Variants in AASS observed in about 807,000 individuals in gnomAD.
AASS encodes alpha-aminoadipic semialdehyde synthase, mitochondrial.
Under a neutral mutation model 105.4 loss-of-function variants are expected in AASS, and 86 were observed. The ratio of observed to expected loss-of-function variants is 0.82; its 90% CI spans 0.69 to 0.98. AASS has a LOEUF of 0.98. Ranked by LOEUF, AASS falls within the 50% of genes least tolerant of loss-of-function variation. The pLI is 0.00. For missense variants in AASS, 1,048 were observed against 1,143.2 expected (o/e 0.92, Z 1.20); for synonymous variants, 381 against 394.8 (o/e 0.96, Z 0.41).
intron 23 of AASS, among the ~76,000 whole-genome samples, 161 bp from the exon 24 acceptor site, chr7:122,076,768 T>C (rs557358505): frequency 2.0e-5 from 3 of 152,330 alleles, no homozygotes; most frequent in Non-Finnish European, 4.4e-5. Context: ...AGTAAATTAT[T>C]ACTTATTCAA....
chr7:122,143,775 C>T (rs1254568708), intron 1 of AASS, among the ~76,000 whole-genome samples: 1 of 152,136 alleles, frequency 6.6e-6, no homozygotes, highest in Non-Finnish European at 1.5e-5. Context: ...GCCGTTGTTT[C>T]CTCAGCTTCA....
Position 122,133,573 on chromosome 7 carries a change from T to C in AASS, c.154A>G (p.Asn52Asp), listed in dbSNP as rs764147148. 1 of 1,614,216 alleles carries C rather than the reference T, an allele frequency of 6.2e-7. No homozygotes were observed. Among genetic ancestry groups the C allele is most frequent in the South Asian group, 1.1e-5 (1 of 91,084 alleles). The change falls in exon 2 of 24, where the codon AAT becomes GAT. Residue 52 changes from asparagine to aspartate, a missense_variant. Coordinates refer to ENST00000417368, the MANE Select transcript of AASS (RefSeq NM_005763.4). ...LAPKHIKGITNLGYKVLIQPS... is the reference protein window; with the variant it reads ...LAPKHIKGITDLGYKVLIQPS... ...TGTATCAAGACCTTGTATCCCAGAT[T>C]GGTGATGCCTTTGATGTGCTTGGGA...
Position 122,118,194 on chromosome 7 carries a change from C to T in AASS, c.687+113G>A, listed in dbSNP as rs1406281445. 1.2e-5 allele frequency: 15 copies of T among 1,227,734 alleles called. 1 individual carries two copies. Among genetic ancestry groups the T allele is most frequent in the African/African-American group, 3.0e-5 (2 of 66,474 alleles). 76.1% of individuals were successfully genotyped at this position (1,227,734 alleles called of 1,614,324 possible). A position where few individuals can be genotyped will look rare whatever the true frequency, so the allele number is the denominator to read the frequency against. ...AAAAATACATTGGTAAGAAAAGTGC[C>T]TAAAATAGAATCTCCAGTCCATTTG... On this transcript the variant is annotated intron_variant, in intron 6 of 23. Coordinates refer to ENST00000417368, the MANE Select transcript of AASS (RefSeq NM_005763.4).
At chr7:122,120,585 C>A (rs950205067) in intron 4 of AASS, among the ~76,000 whole-genome samples, 3 of 151,492 alleles carry the variant, frequency 2.0e-5, no homozygotes, top group African/African-American at 7.3e-5. Context: ...TTATTTATTT[C>A]TTTCTACTTG....
chr7:122,091,879 C>A, intron 17 of AASS, 36 bp from the exon 18 acceptor site: 2 of 1,439,966 alleles, frequency 1.4e-6, no homozygotes, highest in South Asian at 2.3e-5. Flanking sequence ...AGGAAGAATT[C>A]ACAACTTAGA....
chr7:122,083,421 T>C (rs913561487), intron 19 of AASS, among the ~76,000 whole-genome samples: 48 of 152,096 alleles, frequency 3.2e-4, no homozygotes, highest in African/African-American at 1.0e-3. Context: ...AATGAATTTA[T>C]TTTATGTATT....
intron 8 of AASS, 102 bp from the exon 9 acceptor site, chr7:122,115,324 G>A: frequency 1.4e-6 from 2 of 1,421,252 alleles, no homozygotes; most frequent in Non-Finnish European, 2.0e-6. Flanking sequence ...ATAATTAAAT[G>A]TAACTTCTAA....
intron 11 of AASS, among the ~76,000 whole-genome samples, chr7:122,102,934 C>A (rs373191244): frequency 2.0e-5 from 3 of 151,354 alleles, no homozygotes; most frequent in East Asian, 3.9e-4. Context: ...TAAATAGAAC[C>A]AAGAAGTGTA....
In AASS at chr7:122,116,688, T is replaced by TA; in HGVS notation, c.838_839insT (p.Asp280ValfsTer6). 1.2e-6 allele frequency: 2 copies of TA among 1,614,130 alleles called. No individual in the cohort carries two copies. The highest frequency in any genetic ancestry group is 1.7e-6 in the Non-Finnish European group (2 of 1,180,000). Reference sequence around the variant, plus strand: ...CGGATGTTTGTCATACTCTGCAGGATCATACACAGCATCTGTTTTCCTGAC... The same window carrying TA: ...CGGATGTTTGTCATACTCTGCAGGATACATACACAGCATCTGTTTTCCTGAC... On this transcript the variant is annotated frameshift_variant, in exon 8 of 24. Coordinates refer to ENST00000417368, the MANE Select transcript of AASS (RefSeq NM_005763.4). LOFTEE classifies it high-confidence loss of function.
At chr7:122,078,817 T>A (rs1440478560) in intron 22 of AASS, 45 bp downstream of exon 22, 3 of 1,554,972 alleles carry the variant, frequency 1.9e-6, no homozygotes, top group Admixed American at 3.3e-5. Context: ...GACTCTATCT[T>A]ATGATTCTTC....
In AASS at chr7:122,101,428, G is replaced by A; in HGVS notation, c.1349C>T (p.Thr450Ile). Residue 450 changes from threonine (T) to isoleucine (I), a missense_variant, in exon 13 of 24, where the codon ACA (threonine) becomes ATA (isoleucine). Coordinates refer to ENST00000417368, the MANE Select transcript of AASS (RefSeq NM_005763.4). Reference sequence around the variant, plus strand: ...TTTATCAGGTAATGTACCGTTGGATGTAATCACTGCCTAAATGTATATGAC... The same window carrying A: ...TTTATCAGGTAATGTACCGTTGGATATAATCACTGCCTAAATGTATATGAC... ...FSPVVRDAVITSNGTLPDKYK... is the reference protein window; with the variant it reads ...FSPVVRDAVIISNGTLPDKYK... 1 of 1,609,784 alleles carries A rather than the reference G, an allele frequency of 6.2e-7. No homozygotes were observed. Among genetic ancestry groups the A allele is most frequent in the Non-Finnish European group, 8.5e-7 (1 of 1,176,664 alleles).
rs1253189146 is a variant in AASS, at chr7:122,093,132, A to G, written c.1682T>C (p.Leu561Pro). The G allele has an allele frequency of 1.2e-6, 2 of 1,613,786 alleles. No individual in the cohort carries two copies. The highest frequency in any genetic ancestry group is 1.7e-6 in the Non-Finnish European group (2 of 1,179,862). ...ISLLPYVLHP[L>P]VAKACITNKV... ...GTTTGTGATGCAGGCCTTGGCCACA[A>G]GAGGGTGCAATACATAAGGCAACAA... Residue 561 changes from leucine (L) to proline (P), a missense_variant, in exon 16 of 24, where the codon CTT (leucine) becomes CCT (proline). By Grantham distance (98) the Leu-to-Pro change is moderately conservative. Transcript: ENST00000417368.
chr7:122,127,370 T>C (rs974213877), intron 3 of AASS, among the ~76,000 whole-genome samples: 1 of 152,204 alleles, frequency 6.6e-6, no homozygotes, highest in Non-Finnish European at 1.5e-5. Context: ...TAATTTTTAT[T>C]ATGTTCATGA....
intron 13 of AASS, among the ~76,000 whole-genome samples, chr7:122,099,526 C>G (rs929840430): frequency 6.6e-6 from 1 of 151,820 alleles, no homozygotes; most frequent in African/African-American, 2.4e-5. Context: ...CTGTCTTTCC[C>G]ACAAACTATG....
intron 11 of AASS, among the ~76,000 whole-genome samples, chr7:122,107,865 T>A (rs1434861305): frequency 2.0e-5 from 3 of 150,636 alleles, no homozygotes. Flanking sequence ...AGAACAAACC[T>A]GCACATGTAC....
At chr7:122,118,166 G>A (rs947479029) in intron 6 of AASS, 141 bp downstream of exon 6, 3 of 886,152 alleles carry the variant, frequency 3.4e-6, no homozygotes, top group Non-Finnish European at 5.3e-6. Flanking sequence ...TTTTCACTAT[G>A]AGAAAAATAC....
intron 3 of AASS, among the ~76,000 whole-genome samples, chr7:122,127,798 C>G (rs898851074): frequency 2.6e-5 from 4 of 152,082 alleles, no homozygotes; most frequent in Non-Finnish European, 5.9e-5. Context: ...TACTCCCTTC[C>G]TAGGCTCATC....
rs973528115 is a variant in AASS at position 122,116,505 on chromosome 7, A to G, written c.894+128T>C. On this transcript the variant is annotated intron_variant, in intron 8 of 23. Transcript: ENST00000417368. Reference sequence around the variant, plus strand: ...AGATGATAGCTCCAAAGGCCAAATCATGATACCCAAAGGACTCACAACAGG... The same window carrying G: ...AGATGATAGCTCCAAAGGCCAAATCGTGATACCCAAAGGACTCACAACAGG... 2.8e-5 allele frequency: 34 copies of G among 1,211,990 alleles called. No homozygotes were observed. In the Admixed American group the frequency reaches 6.0e-4, roughly 21 times the overall value. The allele number at this position is 1,211,990 out of a possible 1,614,324, so 75.1% of individuals were successfully genotyped here.
chr7:122,093,702 C>T (rs1211396289), intron 15 of AASS, among the ~76,000 whole-genome samples: 1 of 151,932 alleles, frequency 6.6e-6, no homozygotes, highest in Non-Finnish European at 1.5e-5. Flanking sequence ...CCCAGCTACT[C>T]CAGAGACTGA....
Sources: allele counts gnomAD v4.1 joint callset (sites outside exome capture counted in the v4.1 genomes callset), GRCh38; gene constraint gnomAD v4.1.1; transcripts MANE v1.5; gene names NCBI Gene and HGNC (gene_info 2026-07-23, HGNC 2026-07-21).